The following ANKH variants were observed in gnomAD, a reference collection of about 807,000 sequenced individuals.
ANKH encodes mineralization regulator ANKH.
In ANKH, 15 loss-of-function variants were observed where a neutral mutation model predicts 49.0. That is an observed-to-expected ratio of 0.31 (90% CI 0.20 to 0.47). The LOEUF (loss-of-function observed/expected upper bound fraction) is 0.47, where lower values mean the gene tolerates loss of function less well. Ranked by LOEUF, ANKH falls within the 20% of genes least tolerant of loss-of-function variation. ANKH has a pLI of 1.00. For missense variants in ANKH, 429 were observed against 652.0 expected, an observed-to-expected ratio of 0.66 and a Z score of 3.72; for synonymous variants, 273 against 260.0, an observed-to-expected ratio of 1.05 and a Z score of -0.48.
intron 1 of ANKH, among the ~76,000 whole-genome samples, chr5:14,811,324 G>C (rs938910481): frequency 6.6e-6 from 1 of 152,142 alleles, no homozygotes; most frequent in Middle Eastern, 3.2e-3. Flanking sequence ...AAACCTGTGC[G>C]GTCTTAATAG....
chr5:14,798,713 A>G (rs1740471695), intron 1 of ANKH, among the ~76,000 whole-genome samples: 1 of 152,176 alleles, frequency 6.6e-6, no homozygotes, highest in Admixed American at 6.5e-5. Flanking sequence ...TTGGGACACC[A>G]CAAACTGCAC....
chr5:14,804,314 C>T (rs750783367), intron 1 of ANKH, among the ~76,000 whole-genome samples: 2 of 152,226 alleles, frequency 1.3e-5, no homozygotes, highest in Non-Finnish European at 2.9e-5. Context: ...CCCAGCTCTG[C>T]GCCTCCGTCT....
At chr5:14,749,091 A>C (rs1433865385) in intron 6 of ANKH, 81 bp downstream of exon 6, 3 of 1,591,198 alleles carry the variant, frequency 1.9e-6, no homozygotes, top group Non-Finnish European at 2.6e-6. Flanking sequence ...TGAGCTCTCG[A>C]GAAGAACTGG....
chr5:14,800,203 T>C (rs956908037), intron 1 of ANKH, among the ~76,000 whole-genome samples: 2 of 152,212 alleles, frequency 1.3e-5, no homozygotes, highest in African/African-American at 2.4e-5. Flanking sequence ...CAAACTTCAA[T>C]AGATGAGGAG....
intron 1 of ANKH, among the ~76,000 whole-genome samples, chr5:14,826,484 A>G (rs1023132063): frequency 2.0e-5 from 3 of 152,172 alleles, no homozygotes; most frequent in African/African-American, 7.2e-5. Context: ...TGGTAATTCC[A>G]TTTCTTCATC....
At chr5:14,798,478 G>C in intron 1 of ANKH, 1 of 1,119,270 alleles carries the variant, frequency 8.9e-7, no homozygotes, top group Non-Finnish European at 1.3e-6. Flanking sequence ...TTCGCTCTGC[G>C]CACGCGGTCT....
rs148468693 is a variant in ANKH at position 14,715,679 on chromosome 5, T to TGCAA, written c.1141+1023_1141+1026dup. ...TACTTATACAAAAAGAATGTAGCTA[T>TGCAA]GCAAGCAGTTAGCACATCCATATGA... is the stretch of plus-strand genomic sequence containing the variant. On this transcript the variant is annotated intron_variant, in intron 9 of 11. Coordinates refer to ENST00000284268, the MANE Select transcript of ANKH (RefSeq NM_054027.6). Among the ~76,000 whole-genome samples, 624 of 152,362 alleles carry TGCAA rather than the reference T, an allele frequency of 4.1e-3. 6 individuals are homozygous for TGCAA. The highest frequency in any genetic ancestry group is 0.014 in the African/African-American group (583 of 41,576).
intron 1 of ANKH, among the ~76,000 whole-genome samples, chr5:14,833,935 C>T (rs991131272): frequency 7.2e-5 from 11 of 152,180 alleles, no homozygotes; most frequent in Middle Eastern, 6.8e-3. Flanking sequence ...GTTGGCAGCA[C>T]GAAAGAATCA....
chr5:14,805,805 G>A lies in ANKH; in HGVS notation c.97-36614C>T, dbSNP rs562480738. 4.6e-5 allele frequency among the ~76,000 whole-genome samples: 7 copies of A among 152,114 alleles called. No homozygotes were observed. In the Middle Eastern group the frequency reaches 0.01, roughly 222 times the overall value. ...AGACATTCACCTTCCCTTGCCACTC[G>A]AGGGTATGACCAGTCTCACACTGGA... is the stretch of plus-strand genomic sequence containing the variant. On this transcript the variant is annotated intron_variant, in intron 1 of 11. Coordinates refer to ENST00000284268, the MANE Select transcript of ANKH (RefSeq NM_054027.6).
Position 14,711,270 on chromosome 5 carries a change from TCTTCC to T in ANKH, c.1401_1405del (p.Glu468LeufsTer23). 2 of 1,614,004 alleles carry T rather than the reference TCTTCC, an allele frequency of 1.2e-6. No homozygotes were observed. Among genetic ancestry groups the T allele is most frequent in the Non-Finnish European group, 1.7e-6 (2 of 1,179,992 alleles). ...CGGAGGCATGTCTGTCATGGCAGAG[TCTTCC>T]CCCTCCGTGGCCGACTCATTCTCCA... On this transcript the variant is annotated frameshift_variant, in exon 12 of 12. Transcript: ENST00000284268. LOFTEE classifies it high-confidence loss of function.
At chr5:14,863,168 A>C (rs1735550888) in intron 1 of ANKH, among the ~76,000 whole-genome samples, 1 of 152,190 alleles carries the variant, frequency 6.6e-6, no homozygotes, top group Non-Finnish European at 1.5e-5. Flanking sequence ...TAACCAGTTG[A>C]CTGGCAACTG....
At chr5:14,779,292 C>T (rs1739732991) in intron 1 of ANKH, among the ~76,000 whole-genome samples, 1 of 152,160 alleles carries the variant, frequency 6.6e-6, no homozygotes, top group Admixed American at 6.5e-5. Flanking sequence ...TGCTACTTGA[C>T]TGGCCTTCCC....
chr5:14,835,773 A>G (rs935668086), intron 1 of ANKH, among the ~76,000 whole-genome samples: 4 of 152,228 alleles, frequency 2.6e-5, no homozygotes, highest in Admixed American at 6.5e-5. Context: ...TTATGAGGCC[A>G]GCATCATCCT....
chr5:14,728,734 G>A (rs559754560), intron 8 of ANKH, among the ~76,000 whole-genome samples: 15 of 152,322 alleles, frequency 9.8e-5, no homozygotes, highest in Non-Finnish European at 1.9e-4. Context: ...AACATGGAAC[G>A]CAGGGCCAGC....
At position 14,708,977 on chromosome 5, in the gene ANKH, C is replaced by T. The variant is rs562223777; in HGVS notation, c.*2220G>A. ...GCGCGATCTCGGCTCACTACAACCT[C>T]TGCCTCCCAGGATCAAGCAAATTCT... On this transcript the variant is annotated 3_prime_UTR_variant, in exon 12 of 12. Coordinates refer to ENST00000284268, the MANE Select transcript of ANKH (RefSeq NM_054027.6). 1 of 152,054 alleles carries T rather than the reference C, an allele frequency of 6.6e-6. No homozygotes were observed. Among genetic ancestry groups the T allele is most frequent in the East Asian group, 1.9e-4 (1 of 5,168 alleles). 9.4% of individuals were successfully genotyped at this position (152,054 alleles called of 1,614,324 possible).
chr5:14,745,999 C>G lies in ANKH; in HGVS notation c.823-37G>C. On this transcript the variant is annotated intron_variant, in intron 6 of 11. Coordinates refer to ENST00000284268, the MANE Select transcript of ANKH (RefSeq NM_054027.6). The surrounding 1 kb of genome is among the most constrained non-coding windows in gnomAD (Gnocchi z 4.7). ...AGAGGTGGCAGAGTTAGCAGGGTACCAGCAGGAAGTCCTCCAGGAGCTACA... is the reference window on the plus strand; with the variant it reads ...AGAGGTGGCAGAGTTAGCAGGGTACGAGCAGGAAGTCCTCCAGGAGCTACA... The G allele has an allele frequency of 6.4e-7, 1 of 1,566,468 alleles. No homozygotes were observed. The highest frequency in any genetic ancestry group is 8.8e-7 in the Non-Finnish European group (1 of 1,137,756).
chr5:14,761,234 G>A (rs1002310593), intron 2 of ANKH, among the ~76,000 whole-genome samples: 2 of 152,158 alleles, frequency 1.3e-5, no homozygotes, highest in African/African-American at 4.8e-5. Flanking sequence ...CGGACTTCCA[G>A]CATCCATAAC....
rs1219662558 is a variant in ANKH, at chr5:14,725,841, GTTC to G, written c.1012-9009_1012-9007del. Among the ~76,000 whole-genome samples the G allele has an allele frequency of 6.6e-6, 1 of 152,250 alleles. No homozygotes were observed. The highest frequency in any genetic ancestry group is 1.5e-5 in the Non-Finnish European group (1 of 68,040). ...GCTCACTGCAATCTCCGCTTCCCGGGTTCAAGAGATTCTCCCGCCTCAGCCTCC... is the reference window on the plus strand; with the variant it reads ...GCTCACTGCAATCTCCGCTTCCCGGGAAGAGATTCTCCCGCCTCAGCCTCC... On this transcript the variant is annotated intron_variant, in intron 8 of 11. Coordinates refer to ENST00000284268, the MANE Select transcript of ANKH (RefSeq NM_054027.6). The surrounding 1 kb of genome is among the most constrained non-coding windows in gnomAD (Gnocchi z 4.0).
chr5:14,771,981 TTATA>T (rs1739457927), intron 1 of ANKH, among the ~76,000 whole-genome samples: 5 of 145,256 alleles, frequency 3.4e-5, no homozygotes, highest in Admixed American at 6.8e-5. Flanking sequence ...CCGTTCCCAA[TTATA>T]ATTGGATGTC....
Sources: gnomAD v4.1 joint callset for allele counts (sites outside exome capture counted in the v4.1 genomes callset) on GRCh38, gnomAD v4.1.1 for gene constraint, Gnocchi (gnomAD v3.1) non-coding constraint, MANE v1.5 for transcripts, NCBI Gene and HGNC (gene_info 2026-07-23, HGNC 2026-07-21) for gene names.